Variants in MIB1 observed in about 807,000 individuals in gnomAD.
The protein encoded by MIB1 is E3 ubiquitin-protein ligase MIB1.
A neutral mutation model predicts 124.5 loss-of-function variants in MIB1; 278 were observed. That is an observed-to-expected ratio of 2.23 (90% CI 2.02 to 2.47). The LOEUF (loss-of-function observed/expected upper bound fraction) is 2.47, where lower values mean the gene tolerates loss of function less well. Among genes scored for constraint, MIB1 ranks in the 30% most tolerant of loss-of-function variants. The probability of loss-of-function intolerance (pLI) is 0.00; values close to 1 mark genes in which losing one functional copy is unlikely to be tolerated. For missense variants in MIB1, 957 were observed against 1,254.4 expected (o/e 0.76, Z 3.58); for synonymous variants, 446 against 429.4 (o/e 1.04, Z -0.48).
At chr18:21,815,011 T>TTATATACATATATATA (rs1402179214) in intron 10 of MIB1, among the ~76,000 whole-genome samples, 4 of 52,644 alleles carry the variant, frequency 7.6e-5, no homozygotes, top group African/African-American at 2.5e-4. Context: ...GCTGTTGGTT[T>TTATATACATATATATA]TATATATATA....
intron 12 of MIB1, among the ~76,000 whole-genome samples, chr18:21,830,007 T>C (rs1337015595): frequency 6.6e-6 from 1 of 152,068 alleles, no homozygotes; most frequent in Non-Finnish European, 1.5e-5. Flanking sequence ...AGAAGGTTAA[T>C]TTAAAACCTC....
intron 1 of MIB1, among the ~76,000 whole-genome samples, chr18:21,731,697 A>G (rs1325525259): frequency 7.0e-6 from 1 of 142,302 alleles, no homozygotes; most frequent in Non-Finnish European, 1.5e-5. Context: ...GCGCCACCGC[A>G]CTCCAGCCTG....
intron 7 of MIB1, among the ~76,000 whole-genome samples, 198 bp downstream of exon 7, chr18:21,791,755 A>T (rs2041507036): frequency 6.6e-6 from 1 of 152,192 alleles, no homozygotes; most frequent in South Asian, 2.1e-4. Context: ...AAAAGGTTAC[A>T]GTTAATATTT....
intron 1 of MIB1, among the ~76,000 whole-genome samples, chr18:21,762,049 TATTA>T (rs2041104215): frequency 6.6e-6 from 1 of 152,198 alleles, no homozygotes; most frequent in African/African-American, 2.4e-5. Context: ...ATAAGTGTGT[TATTA>T]ATTTTATAAT....
intron 20 of MIB1, among the ~76,000 whole-genome samples, chr18:21,863,716 A>G (rs1420913356): frequency 6.6e-6 from 1 of 151,934 alleles, no homozygotes; most frequent in Admixed American, 6.6e-5. Context: ...TTTAGAAAGA[A>G]CCAGTTGGGC....
At chr18:21,839,586 C>G (rs974121768) in intron 13 of MIB1, among the ~76,000 whole-genome samples, 1 of 152,158 alleles carries the variant, frequency 6.6e-6, no homozygotes, top group Non-Finnish European at 1.5e-5. Context: ...CTCACTGCAG[C>G]CTTGACCTCC....
In MIB1 at chr18:21,868,923, A is replaced by G. The variant is rs1244232012; in HGVS notation, c.*4257A>G. 2.0e-5 allele frequency: 3 copies of G among 152,464 alleles called. No individual in the cohort carries two copies. The highest frequency in any genetic ancestry group is 7.2e-5 in the African/African-American group (3 of 41,452). The allele number at this position is 152,464 out of a possible 1,614,324, so 9.4% of individuals were successfully genotyped here. On this transcript the variant is annotated 3_prime_UTR_variant, in exon 21 of 21. Coordinates refer to ENST00000261537, the MANE Select transcript of MIB1 (RefSeq NM_020774.4). ...ATGTGAAACTCTGGTATAAAAACGT[A>G]AACTAGACAGTAGAGCCGATGAATT...
chr18:21,822,037 G>A (rs2041883916), intron 12 of MIB1, among the ~76,000 whole-genome samples: 1 of 152,072 alleles, frequency 6.6e-6, no homozygotes, highest in Non-Finnish European at 1.5e-5. Context: ...GCTATACAAG[G>A]CACTCAATAA....
At chr18:21,797,914 A>G (rs2041602664) in intron 7 of MIB1, among the ~76,000 whole-genome samples, 170 bp from the exon 8 acceptor site, 2 of 152,148 alleles carry the variant, frequency 1.3e-5, no homozygotes, top group South Asian at 2.1e-4. Context: ...TTTAAAAGAT[A>G]TTTTTTAACA....
intron 1 of MIB1, among the ~76,000 whole-genome samples, chr18:21,746,882 G>T (rs2040918305): frequency 6.6e-6 from 1 of 152,106 alleles, no homozygotes; most frequent in African/African-American, 2.4e-5. Flanking sequence ...CTTCTCAGAT[G>T]TTTTGTATTC....
chr18:21,709,892 G>C (rs181278871), intron 1 of MIB1, among the ~76,000 whole-genome samples: 2 of 152,318 alleles, frequency 1.3e-5, no homozygotes, highest in Non-Finnish European at 2.9e-5. Context: ...CATGTGCAAG[G>C]GTCTGAAGAT....
intron 12 of MIB1, chr18:21,825,815 T>G (rs1310774748): frequency 4.1e-6 from 2 of 486,958 alleles, no homozygotes; most frequent in African/African-American, 3.9e-5. Flanking sequence ...CCAAAACAGT[T>G]AAATGCTTTT....
chr18:21,807,781 T>C lies in MIB1; in HGVS notation c.1479+3767T>C, dbSNP rs567675794. 1.3e-3 allele frequency among the ~76,000 whole-genome samples: 202 copies of C among 152,344 alleles called. 1 individual carries two copies. The highest frequency in any genetic ancestry group is 2.5e-3 in the Non-Finnish European group (172 of 68,028). On this transcript the variant is annotated intron_variant, in intron 10 of 20. Transcript: ENST00000261537. ...GTTAATTTTGCAGATGCACTTAGAT[T>C]TGTCATTCATAATTTGCCAGCCTGT...
rs2042346807 is a variant in MIB1 at position 21,870,368 on chromosome 18, T to C, written c.*5702T>C. ...AGTGTCCACATCTAGAAGGCTCTCA[T>C]TGCAGTTGTTTACAGTTAAGGTACC... On this transcript the variant is annotated 3_prime_UTR_variant, in exon 21 of 21. Coordinates refer to ENST00000261537, the MANE Select transcript of MIB1 (RefSeq NM_020774.4). 6.6e-6 allele frequency: 1 copy of C among 152,170 alleles called. No individual in the cohort carries two copies. 9.4% of individuals were successfully genotyped at this position (152,170 alleles called of 1,614,324 possible). A position where few individuals can be genotyped will look rare whatever the true frequency, so the allele number is the denominator to read the frequency against.
At chr18:21,821,788 A>T (rs1316020074) in intron 12 of MIB1, among the ~76,000 whole-genome samples, 1 of 151,682 alleles carries the variant, frequency 6.6e-6, no homozygotes, top group Non-Finnish European at 1.5e-5. Flanking sequence ...TTTTTAGTAG[A>T]GACGGGGTTT....
chr18:21,707,959 G>A (rs911729920), intron 1 of MIB1, among the ~76,000 whole-genome samples: 2 of 152,132 alleles, frequency 1.3e-5, no homozygotes, highest in Non-Finnish European at 2.9e-5. Context: ...GCCCTCTTTT[G>A]CCTTGCAGAT....
intron 6 of MIB1, among the ~76,000 whole-genome samples, chr18:21,782,330 T>A (rs1446534178): frequency 2.0e-5 from 3 of 151,490 alleles, no homozygotes; most frequent in Non-Finnish European, 2.9e-5. Context: ...TCCATGTTGG[T>A]CAGGCTGGTC....
rs1404267442 is a variant in MIB1 at position 21,742,816 on chromosome 18, C to T, written c.229+1004C>T. On this transcript the variant is annotated intron_variant, in intron 1 of 20. Transcript: ENST00000261537. ...TCTAAGACATTGAGTTTGGCAAAGC[C>T]TTACAAATCTTGGAATGGGCTCACA... Among the ~76,000 whole-genome samples the T allele has an allele frequency of 2.0e-5, 3 of 152,200 alleles. No homozygotes were observed. The East Asian group carries it at 5.8e-4, about 29-fold the overall frequency.
chr18:21,768,466 T>C (rs561406482), intron 2 of MIB1, among the ~76,000 whole-genome samples, 157 bp from the exon 3 acceptor site: 1 of 152,254 alleles, frequency 6.6e-6, no homozygotes, highest in Non-Finnish European at 1.5e-5. Flanking sequence ...ACCTGTGGAA[T>C]ATAAAAGGTA....
Sources: gnomAD v4.1 joint callset for allele counts (sites outside exome capture counted in the v4.1 genomes callset) on GRCh38, gnomAD v4.1.1 for gene constraint, MANE v1.5 for transcripts, NCBI Gene and HGNC (gene_info 2026-07-23, HGNC 2026-07-21) for gene names.